The following RAB2A variants were observed in gnomAD, a reference collection of about 807,000 sequenced individuals.
The protein encoded by RAB2A is RAB2A, member RAS oncogene family, also known as ras-related protein Rab-2A.
RAB2A carries 7 observed loss-of-function variants against 32.5 expected under a neutral mutation model. The ratio of observed to expected loss-of-function variants is 0.22; its 90% confidence interval spans 0.12 to 0.40. The LOEUF (loss-of-function observed/expected upper bound fraction) is 0.40. RAB2A is among the 10% of genes least tolerant of loss of function. The pLI, the probability that RAB2A is intolerant of heterozygous loss-of-function variation, is 1.00. For synonymous variants in RAB2A, 79 were observed against 85.2 expected (o/e 0.93, Z 0.40); for missense variants, 108 against 260.7 (o/e 0.41, Z 4.03).
chr8:60,572,038 C>A lies in RAB2A; in HGVS notation c.119-8C>A, dbSNP rs746795234. 6.3e-7 allele frequency: 1 copy of A among 1,594,932 alleles called. No homozygotes were observed. The highest frequency in any genetic ancestry group is 1.7e-5 in the Admixed American group (1 of 59,598). On this transcript the variant is annotated splice_region_variant and splice_polypyrimidine_tract_variant and intron_variant, in intron 2 of 7. Coordinates refer to ENST00000262646, the MANE Select transcript of RAB2A (RefSeq NM_002865.3). Reference sequence around the variant, plus strand: ...ATTTTGTAACAAATCATTTCCTACTCTATTTAGGTGTAGAGTTCGGTGCTC... The same window carrying A: ...ATTTTGTAACAAATCATTTCCTACTATATTTAGGTGTAGAGTTCGGTGCTC...
intron 1 of RAB2A, chr8:60,552,444 C>T (rs1807868583): frequency 6.6e-6 from 1 of 152,176 alleles, no homozygotes. Context: ...AGTGACCTAT[C>T]ACTTTTATAA....
chr8:60,606,945 G>T (rs556405502), intron 6 of RAB2A, among the ~76,000 whole-genome samples: 3 of 152,188 alleles, frequency 2.0e-5, no homozygotes, highest in African/African-American at 7.2e-5. Context: ...AATTGGCGGG[G>T]GATGCGTAAC....
chr8:60,592,142 AAATC>A, intron 6 of RAB2A, 173 bp downstream of exon 6: 1 of 423,378 alleles, frequency 2.4e-6, no homozygotes, highest in Admixed American at 3.9e-5. Flanking sequence ...TCAGACTCTT[AAATC>A]ATATTGAGCC....
At position 60,620,783 on chromosome 8, in the gene RAB2A, G is replaced by A; in HGVS notation, c.*14G>A. 1 of 1,607,552 alleles carries A rather than the reference G, an allele frequency of 6.2e-7. No homozygotes were observed. The highest frequency in any genetic ancestry group is 1.7e-4 in the Middle Eastern group (1 of 6,032). On this transcript the variant is annotated 3_prime_UTR_variant, in exon 8 of 8. Coordinates refer to ENST00000262646, the MANE Select transcript of RAB2A (RefSeq NM_002865.3). ...GGCTGCTGTTGAGTCTGTTTTTACT[G>A]TCTAGCTGCCCAACGGGGCCTACTC...
chr8:60,549,660 T>G (rs1807814476), intron 1 of RAB2A, among the ~76,000 whole-genome samples: 1 of 152,078 alleles, frequency 6.6e-6, no homozygotes, highest in Admixed American at 6.5e-5. Context: ...TGAAAGCCAT[T>G]GGCAGGAGAT....
intron 6 of RAB2A, among the ~76,000 whole-genome samples, chr8:60,605,237 G>A (rs1309914677): frequency 6.6e-6 from 1 of 152,230 alleles, no homozygotes; most frequent in African/African-American, 2.4e-5. Context: ...GGTGCACAGA[G>A]TCCAAGAGTT....
intron 1 of RAB2A, chr8:60,558,319 C>T (rs545157161): frequency 3.2e-5 from 14 of 443,062 alleles, no homozygotes; most frequent in African/African-American, 8.2e-5. Context: ...CATTCATGAC[C>T]GTAACGGGGT....
intron 1 of RAB2A, chr8:60,552,833 G>C (rs915722750): frequency 3.9e-5 from 6 of 152,170 alleles, no homozygotes; most frequent in African/African-American, 1.4e-4. Context: ...ATTTAGACAA[G>C]TTTTCTAGTA....
In RAB2A at chr8:60,594,128, T is replaced by C. The variant is rs112428685; in HGVS notation, c.474+2159T>C. Among the ~76,000 whole-genome samples, 322 of 152,304 alleles carry C rather than the reference T, an allele frequency of 2.1e-3. 1 individual carries two copies. The highest frequency in any genetic ancestry group is 3.7e-3 in the Non-Finnish European group (255 of 68,024). On this transcript the variant is annotated intron_variant, in intron 6 of 7. Coordinates refer to ENST00000262646, the MANE Select transcript of RAB2A (RefSeq NM_002865.3). ...AAATGAACACTACCTCAGGGACTTA[T>C]AGGACTGTAACAAAAGCTGACGTTA...
chr8:60,603,065 G>A (rs990522002), intron 6 of RAB2A, among the ~76,000 whole-genome samples: 1 of 152,146 alleles, frequency 6.6e-6, no homozygotes, highest in Non-Finnish European at 1.5e-5. Context: ...AGTGGTGGTT[G>A]GTGTTGGGAC....
chr8:60,576,924 G>A (rs1282652947), intron 3 of RAB2A, among the ~76,000 whole-genome samples: 1 of 152,184 alleles, frequency 6.6e-6, no homozygotes, highest in Non-Finnish European at 1.5e-5. Flanking sequence ...TACAGGGACA[G>A]GAAACTGTCT....
At chr8:60,526,017 G>GTATATATATA (rs1312469468) in intron 1 of RAB2A, among the ~76,000 whole-genome samples, 4 of 74,248 alleles carry the variant, frequency 5.4e-5, no homozygotes, top group African/African-American at 1.2e-4. Context: ...ATGTGTGTGT[G>GTATATATATA]TACATATATA....
At chr8:60,614,635 G>GTAAACATTAGTAA (rs1563487853) in intron 6 of RAB2A, among the ~76,000 whole-genome samples, 1 of 152,164 alleles carries the variant, frequency 6.6e-6, no homozygotes, top group African/African-American at 2.4e-5. Flanking sequence ...ATGTTTATTT[G>GTAAACATTAGTAA]AATTAGAACA....
chr8:60,525,928 GATAT>G (rs529856590), intron 1 of RAB2A, among the ~76,000 whole-genome samples: 4 of 143,104 alleles, frequency 2.8e-5, no homozygotes, highest in African/African-American at 7.7e-5. Flanking sequence ...AGAGAATAAA[GATAT>G]ATATATATGT....
intron 3 of RAB2A, among the ~76,000 whole-genome samples, chr8:60,583,050 GGGGA>G (rs1803788116): frequency 6.6e-6 from 1 of 152,078 alleles, no homozygotes; most frequent in Admixed American, 6.6e-5. Flanking sequence ...GTGGGGGATG[GGGGA>G]GGGAGGGAGT....
intron 6 of RAB2A, among the ~76,000 whole-genome samples, chr8:60,597,964 A>C (rs1467293571): frequency 2.6e-5 from 4 of 152,368 alleles, no homozygotes; most frequent in Admixed American, 2.6e-4. Context: ...CCAAAAACAC[A>C]AATTGCTACA....
At chr8:60,617,812 A>G (rs1656737615) in intron 6 of RAB2A, among the ~76,000 whole-genome samples, 2 of 152,188 alleles carry the variant, frequency 1.3e-5, no homozygotes, top group Non-Finnish European at 2.9e-5. Flanking sequence ...CATCACCACT[A>G]TCTAATTCCA....
chr8:60,530,585 G>A (rs1807461409), intron 1 of RAB2A, among the ~76,000 whole-genome samples: 1 of 151,984 alleles, frequency 6.6e-6, no homozygotes, highest in Non-Finnish European at 1.5e-5. Context: ...ACCATGCCCA[G>A]CCCTTTATCA....
chr8:60,528,895 A>C lies in RAB2A; in HGVS notation c.46+11642A>C, dbSNP rs544521276. Among the ~76,000 whole-genome samples, 5 of 152,130 alleles carry C rather than the reference A, an allele frequency of 3.3e-5. No homozygotes were observed. In the South Asian group the frequency reaches 1.0e-3, roughly 32 times the overall value. ...TTGGCTCCTGGTAATGATTTAAAAGACTCGGTAGGATTTTGTTCTGTGAAG... is the reference window on the plus strand; with the variant it reads ...TTGGCTCCTGGTAATGATTTAAAAGCCTCGGTAGGATTTTGTTCTGTGAAG... On this transcript the variant is annotated intron_variant, in intron 1 of 7. Transcript: ENST00000262646.
Sources: allele counts gnomAD v4.1 joint callset (sites outside exome capture counted in the v4.1 genomes callset), GRCh38; gene constraint gnomAD v4.1.1; transcripts MANE v1.5; gene names NCBI Gene and HGNC (gene_info 2026-07-23, HGNC 2026-07-21).